The following CBLB variants were observed in gnomAD, a reference collection of about 807,000 sequenced individuals.
The protein encoded by CBLB is E3 ubiquitin-protein ligase CBL-B.
A neutral mutation model predicts 104.9 loss-of-function variants in CBLB; 31 were observed. The ratio of observed to expected loss-of-function variants is 0.30; its 90% confidence interval spans 0.22 to 0.40. The LOEUF is 0.40. Among genes scored for constraint, CBLB ranks in the 10% least tolerant of loss-of-function variants. The pLI, the probability that CBLB is intolerant of heterozygous loss-of-function variation, is 1.00. For synonymous variants in CBLB, 440 were observed against 422.6 expected, an observed-to-expected ratio of 1.04 and a Z score of -0.51; for missense variants, 1,062 against 1,214.6, an observed-to-expected ratio of 0.87 and a Z score of 1.87.
At chr3:105,728,739 T>C (rs2073974312) in intron 9 of CBLB, among the ~76,000 whole-genome samples, 1 of 152,148 alleles carries the variant, frequency 6.6e-6, no homozygotes, top group Non-Finnish European at 1.5e-5. Context: ...TACTTAGTAT[T>C]CTGTGCAAAC....
intron 4 of CBLB, among the ~76,000 whole-genome samples, chr3:105,765,383 C>T (rs1348999890): frequency 6.6e-6 from 1 of 152,088 alleles, no homozygotes; most frequent in Non-Finnish European, 1.5e-5. Context: ...CTCTTTCTAC[C>T]ATGTGAGGAT....
Position 105,740,564 on chromosome 3 carries a change from T to C in CBLB, c.913A>G (p.Asn305Asp). 6.2e-7 allele frequency: 1 copy of C among 1,613,958 alleles called. No homozygotes were observed. The highest frequency in any genetic ancestry group is 8.5e-7 in the Non-Finnish European group (1 of 1,179,878). ...WAIGYVTGDG[N>D]ILQTIPHNKP... Reference sequence around the variant, plus strand: ...TTATGAGGTATGGTCTGTAAGATATTCCCATCCCCAGTCACATAGCCAATG... The same window carrying C: ...TTATGAGGTATGGTCTGTAAGATATCCCCATCCCCAGTCACATAGCCAATG... Residue 305 changes from asparagine to aspartate, a missense_variant, in exon 7 of 19, where the codon AAT becomes GAT. Physicochemically the swap from Asn to Asp is conservative, Grantham distance 23 (BLOSUM62 1). Around this residue, in one of 2 missense-constraint regions of CBLB, gnomAD observed 457 missense variants for 632.0 expected, o/e 0.72. Transcript: ENST00000394030.
intron 2 of CBLB, among the ~76,000 whole-genome samples, chr3:105,854,753 C>G (rs183888942): frequency 6.6e-6 from 1 of 152,222 alleles, no homozygotes; most frequent in East Asian, 1.9e-4. Flanking sequence ...CTGCCTCAGC[C>G]TCCCAAGTAG....
At chr3:105,835,235 G>A (rs1302959882) in intron 3 of CBLB, among the ~76,000 whole-genome samples, 2 of 152,116 alleles carry the variant, frequency 1.3e-5, no homozygotes, top group African/African-American at 2.4e-5. Flanking sequence ...TTCTAAAAAC[G>A]AGCTTCAGTT....
intron 11 of CBLB, 29 bp from the exon 12 acceptor site, chr3:105,702,488 A>AC (rs2069343378): frequency 3.4e-6 from 5 of 1,474,610 alleles, no homozygotes; most frequent in African/African-American, 2.9e-5. Context: ...AAAAAAAAAA[A>AC]AAAAAAAAAA....
chr3:105,656,987 T>G lies in CBLB; in HGVS notation c.*1983A>C, dbSNP rs1163195885. 9.0e-6 allele frequency: 2 copies of G among 222,998 alleles called. No individual in the cohort carries two copies. Among genetic ancestry groups the G allele is most frequent in the African/African-American group, 4.5e-5 (2 of 44,778 alleles). 13.8% of individuals were successfully genotyped at this position (222,998 alleles called of 1,614,324 possible). A position where few individuals can be genotyped will look rare whatever the true frequency, so the allele number is the denominator to read the frequency against. ...ATTTTAAAAGTGTAAGAAACTTCAC[T>G]CATGTACCTACTCATGGGAAGAACA... is the stretch of plus-strand genomic sequence containing the variant. On this transcript the variant is annotated 3_prime_UTR_variant, in exon 19 of 19. Transcript: ENST00000394030.
At chr3:105,736,566 T>G (rs1296300928) in intron 8 of CBLB, among the ~76,000 whole-genome samples, 1 of 152,194 alleles carries the variant, frequency 6.6e-6, no homozygotes, top group Non-Finnish European at 1.5e-5. Context: ...TCTTAGTATT[T>G]TGTAATTTTT....
At chr3:105,819,433 G>A (rs1487149431) in intron 3 of CBLB, among the ~76,000 whole-genome samples, 11 of 151,774 alleles carry the variant, frequency 7.2e-5, no homozygotes. Flanking sequence ...GTTGCAGTGA[G>A]CTGAGATTGT....
chr3:105,865,235 T>C (rs899694550), intron 2 of CBLB, among the ~76,000 whole-genome samples: 1 of 152,232 alleles, frequency 6.6e-6, no homozygotes, highest in Admixed American at 6.5e-5. Context: ...ACTTATATAC[T>C]GCCAATTAGT....
At chr3:105,785,571 C>T (rs2080885975) in intron 3 of CBLB, among the ~76,000 whole-genome samples, 1 of 152,182 alleles carries the variant, frequency 6.6e-6, no homozygotes. Context: ...TTTCCCGTCA[C>T]ACTAATTGTT....
At position 105,670,292 on chromosome 3, in the gene CBLB, C is replaced by A; in HGVS notation, c.2630G>T (p.Gly877Val). Residue 877 changes from glycine (G) to valine (V), a missense_variant, in exon 18 of 19, where the codon GGT becomes GTT. This residue lies in a region of CBLB where 605 missense variants were observed against 582.6 expected (regional missense o/e 1.04). Transcript: ENST00000394030. Reference protein sequence around the residue: ...VPLPPARRLPGENVKTNRTSQ... With the variant: ...VPLPPARRLPVENVKTNRTSQ... ...TGTTCTGTTAGTTTTGACATTTTCACCTGGTAACCTTCTAGCAGGAGGCAA... is the reference window on the plus strand; with the variant it reads ...TGTTCTGTTAGTTTTGACATTTTCAACTGGTAACCTTCTAGCAGGAGGCAA... The A allele has an allele frequency of 6.2e-7, 1 of 1,612,220 alleles. No individual in the cohort carries two copies. Among genetic ancestry groups the A allele is most frequent in the Non-Finnish European group, 8.5e-7 (1 of 1,178,438 alleles).
intron 3 of CBLB, among the ~76,000 whole-genome samples, chr3:105,790,913 G>T (rs1165498044): frequency 1.3e-5 from 2 of 152,196 alleles, no homozygotes; most frequent in Non-Finnish European, 2.9e-5. Flanking sequence ...CACTGCACCA[G>T]CACAGGACCC....
chr3:105,763,719 T>C lies in CBLB; in HGVS notation c.567-12101A>G, dbSNP rs2077916921. The stretch of plus-strand genomic sequence containing the variant: ...CTTTGCTATTAAGTCACACTTTCTC[T>C]ACCAGCAGAACATGATCCTAAAAAA... On this transcript the variant is annotated intron_variant, in intron 4 of 18. Coordinates refer to ENST00000394030, the MANE Select transcript of CBLB (RefSeq NM_170662.5). Among the ~76,000 whole-genome samples, 3 of 152,350 alleles carry C rather than the reference T, an allele frequency of 2.0e-5. No homozygotes were observed. In the South Asian group the frequency reaches 6.2e-4, roughly 32 times the overall value.
chr3:105,745,922 G>A lies in CBLB; in HGVS notation c.840C>T (p.Pro280=), dbSNP rs9657906. 29,078 of 1,610,656 alleles carry A rather than the reference G, an allele frequency of 0.018. 308 individuals carry two copies. The highest frequency in any genetic ancestry group is 0.025 in the Middle Eastern group (153 of 6,054). Residue 280 remains proline (P), a synonymous_variant, in exon 6 of 19, where the codon CCC becomes CCT. Coordinates refer to ENST00000394030, the MANE Select transcript of CBLB (RefSeq NM_170662.5). ...KARLQKYSTK[P]GSYIFRLSCT... is the part of the protein sequence containing the mutation. Reference sequence around the variant, plus strand: ...TTACTGCTAAAAAGTCTTACCTTCCGGGTTTGGTGCTATATTTCTGTAGTC... The same window carrying A: ...TTACTGCTAAAAAGTCTTACCTTCCAGGTTTGGTGCTATATTTCTGTAGTC...
intron 11 of CBLB, 128 bp downstream of exon 11, chr3:105,703,860 C>G (rs140373932): frequency 1.2e-6 from 1 of 805,180 alleles, no homozygotes; most frequent in Non-Finnish European, 2.0e-6. Flanking sequence ...ATAAACTAAA[C>G]GAGAAACTCA....
At chr3:105,764,822 G>A (rs773977315) in intron 4 of CBLB, among the ~76,000 whole-genome samples, 18 of 152,172 alleles carry the variant, frequency 1.2e-4, no homozygotes, top group Non-Finnish European at 2.6e-4. Context: ...ACACATGAAT[G>A]ATAAGAAAGC....
In CBLB at chr3:105,656,133, A is replaced by G. The variant is rs532201127; in HGVS notation, c.*2837T>C. Reference sequence around the variant, plus strand: ...AGATATATCATACATTAGGGGATAAAACAGATTATGGAGATAAATTTACTG... The same window carrying G: ...AGATATATCATACATTAGGGGATAAGACAGATTATGGAGATAAATTTACTG... On this transcript the variant is annotated 3_prime_UTR_variant, in exon 19 of 19. Transcript: ENST00000394030. The G allele has an allele frequency of 4.5e-6, 1 of 220,914 alleles. No individual in the cohort carries two copies. Among genetic ancestry groups the G allele is most frequent in the East Asian group, 6.6e-5 (1 of 15,166 alleles). The allele number at this position is 220,914 out of a possible 1,614,324, so 13.7% of individuals were successfully genotyped here.
rs537026643 is a variant in CBLB at position 105,743,746 on chromosome 3, AT to A, written c.845+2170del. Among the ~76,000 whole-genome samples the A allele has an allele frequency of 2.0e-3, 310 of 151,298 alleles. 1 individual carries two copies. The highest frequency in any genetic ancestry group is 7.4e-3 in the African/African-American group (305 of 41,396). On this transcript the variant is annotated intron_variant, in intron 6 of 18. Transcript: ENST00000394030. The stretch of plus-strand genomic sequence containing the variant: ...ACTTTCCAAGATAAAAAAAAAAAAA[AT>A]GTTAAACACAGATATTCTCCAAAGC...
intron 4 of CBLB, among the ~76,000 whole-genome samples, chr3:105,766,253 C>T (rs766714516): frequency 3.2e-4 from 49 of 152,222 alleles, no homozygotes; most frequent in African/African-American, 1.0e-3. Context: ...CAAAAAAGTG[C>T]TTTCTTAAAT....
Sources: allele counts gnomAD v4.1 joint callset (sites outside exome capture counted in the v4.1 genomes callset), GRCh38; gene constraint gnomAD v4.1.1; regional missense constraint gnomAD v4.1.1; transcripts MANE v1.5; gene names NCBI Gene and HGNC (gene_info 2026-07-23, HGNC 2026-07-21).